MICU3: variants seen among roughly 807,000 people sequenced by gnomAD.
The protein encoded by MICU3 is mitochondrial calcium uptake 3, also known as calcium uptake protein 3, mitochondrial.
In MICU3, 62 loss-of-function variants were observed where a neutral mutation model predicts 66.5. The observed-to-expected ratio is 0.93, with a 90% CI of 0.76 to 1.15. The LOEUF is 1.15. MICU3 is among the 50% of genes most tolerant of loss of function. The pLI is 0.00. For synonymous variants in MICU3, 308 were observed against 240.7 expected (o/e 1.28, Z -2.59); for missense variants, 779 against 664.4 (o/e 1.17, Z -1.90).
chr8:17,121,146 A>G lies in MICU3; in HGVS notation c.*859A>G, dbSNP rs970490115. 2.0e-5 allele frequency: 3 copies of G among 151,892 alleles called. No individual in the cohort carries two copies. The highest frequency in any genetic ancestry group is 4.4e-5 in the Non-Finnish European group (3 of 67,808). 9.4% of individuals were successfully genotyped at this position (151,892 alleles called of 1,614,324 possible). A position where few individuals can be genotyped will look rare whatever the true frequency, so the allele number is the denominator to read the frequency against. On this transcript the variant is annotated 3_prime_UTR_variant, in exon 15 of 15. Coordinates refer to ENST00000318063, the MANE Select transcript of MICU3 (RefSeq NM_181723.3). ...CACGTTAATAACACTAGTAAAAATA[A>G]CGTCTTACACTCTGTAACTTACTGC...
downstream of MICU3, among the ~76,000 whole-genome samples, chr8:17,125,622 C>G (rs934725143): frequency 6.6e-6 from 1 of 152,102 alleles, no homozygotes; most frequent in Non-Finnish European, 1.5e-5. Flanking sequence ...GCCTGCCTGG[C>G]AGTTTAAAGG....
chr8:17,117,708 A>T (rs1483016102), intron 13 of MICU3, among the ~76,000 whole-genome samples: 1 of 150,504 alleles, frequency 6.6e-6, no homozygotes, highest in Non-Finnish European at 1.5e-5. Context: ...TCCCGGGTTC[A>T]AGAGATTCCC....
intron 11 of MICU3, among the ~76,000 whole-genome samples, chr8:17,107,379 G>A (rs1167464755): frequency 6.6e-6 from 1 of 152,132 alleles, no homozygotes; most frequent in African/African-American, 2.4e-5. Flanking sequence ...TGAGGACAGA[G>A]AAGCTTAGTT....
At position 17,087,027 on chromosome 8, in the gene MICU3, G is replaced by T. The variant is rs199936197; in HGVS notation, c.841G>T (p.Ala281Ser). The T allele has an allele frequency of 5.0e-6, 8 of 1,602,646 alleles. No homozygotes were observed. Among genetic ancestry groups the T allele is most frequent in the Non-Finnish European group, 6.0e-6 (7 of 1,170,904 alleles). Residue 281 changes from alanine to serine, a missense_variant, in exon 7 of 15, where the codon GCA (alanine) becomes TCA (serine). Ala to Ser is a moderately conservative substitution (Grantham distance 99, BLOSUM62 1). Coordinates refer to ENST00000318063, the MANE Select transcript of MICU3 (RefSeq NM_181723.3). ...AATTAAAGGAGATGAAGAAAAGCGT[G>T]CAATGCTGGTAAGAATACTTTATAG... ...REIKGDEEKR[A>S]MLRLQLYGYH...
chr8:17,138,290 G>A, the MICU3 span, among the ~76,000 whole-genome samples: 4 of 152,066 alleles, frequency 2.6e-5, no homozygotes, highest in African/African-American at 7.2e-5. Flanking sequence ...ATGTAAAATA[G>A]ATAATAGCAA....
chr8:17,124,012 T>C (rs1010396413), downstream of MICU3, among the ~76,000 whole-genome samples: 1 of 151,814 alleles, frequency 6.6e-6, no homozygotes, highest in Non-Finnish European at 1.5e-5. Flanking sequence ...CTTTCAAATC[T>C]TTTGGCAGTT....
chr8:17,055,388 C>CT (rs1253964826), intron 1 of MICU3, among the ~76,000 whole-genome samples: 1 of 152,088 alleles, frequency 6.6e-6, no homozygotes, highest in Non-Finnish European at 1.5e-5. Flanking sequence ...CTTTTTAGTC[C>CT]TTAATATTCC....
chr8:17,093,387 T>C (rs1243897436), intron 8 of MICU3, among the ~76,000 whole-genome samples: 1 of 152,018 alleles, frequency 6.6e-6, no homozygotes, highest in Non-Finnish European at 1.5e-5. Flanking sequence ...TGAGACTTTT[T>C]TATGGACTAA....
chr8:17,035,462 A>G (rs755134925), intron 1 of MICU3, among the ~76,000 whole-genome samples: 3 of 152,232 alleles, frequency 2.0e-5, no homozygotes, highest in Non-Finnish European at 4.4e-5. Flanking sequence ...AGTGATGTGG[A>G]CAGTAAAGTC....
chr8:17,042,022 G>A (rs1312558109), intron 1 of MICU3, among the ~76,000 whole-genome samples: 1 of 152,166 alleles, frequency 6.6e-6, no homozygotes, highest in East Asian at 1.9e-4. Context: ...TTTTGTAATT[G>A]CAAGGCTCAA....
chr8:17,136,705 G>C, the MICU3 span, among the ~76,000 whole-genome samples: 1 of 152,060 alleles, frequency 6.6e-6, no homozygotes, highest in South Asian at 2.1e-4. Context: ...GTATAGATAG[G>C]AGTTGGGCAG....
At chr8:17,097,003 G>A (rs879764019) in intron 8 of MICU3, among the ~76,000 whole-genome samples, 4 of 145,096 alleles carry the variant, frequency 2.8e-5, no homozygotes, top group Admixed American at 1.4e-4. Context: ...GTGTGATTGT[G>A]GACAGTGTTT....
rs199759760 is a variant in MICU3 at position 17,086,981 on chromosome 8, GA to G, written c.803del (p.Asn268MetfsTer47). On this transcript the variant is annotated frameshift_variant, in exon 7 of 15. Coordinates refer to ENST00000318063, the MANE Select transcript of MICU3 (RefSeq NM_181723.3). LOFTEE classifies it high-confidence loss of function. ...TTTGTCAGCTTCAAGAGATATTCAG[GA>G]AAAAAAATGAAAAGAGAGAAATTAA... ...EFLVLQEIFR[K>X]KNEKREIKGD... 39 of 1,599,684 alleles carry G rather than the reference GA, an allele frequency of 2.4e-5. No individual in the cohort carries two copies. The highest frequency in any genetic ancestry group is 4.4e-5 in the South Asian group (4 of 90,440).
intron 3 of MICU3, among the ~76,000 whole-genome samples, chr8:17,076,355 C>G (rs1820387277): frequency 6.6e-6 from 1 of 152,152 alleles, no homozygotes; most frequent in African/African-American, 2.4e-5. Flanking sequence ...TATTTAATCT[C>G]TCAATCTAAC....
intron 6 of MICU3, 129 bp from the exon 7 acceptor site, chr8:17,086,835 T>C: frequency 1.6e-6 from 1 of 642,630 alleles, no homozygotes; most frequent in Non-Finnish European, 2.8e-6. Context: ...AATAGATCTA[T>C]AGCAGTTTAA....
intron 11 of MICU3, among the ~76,000 whole-genome samples, chr8:17,112,708 A>G (rs1802315261): frequency 6.6e-6 from 1 of 152,158 alleles, no homozygotes; most frequent in Admixed American, 6.5e-5. Context: ...TCTGCCCCCC[A>G]ATATATTGAT....
intron 3 of MICU3, among the ~76,000 whole-genome samples, chr8:17,073,088 G>C (rs1819849661): frequency 6.6e-6 from 1 of 151,186 alleles, no homozygotes; most frequent in Admixed American, 6.6e-5. Flanking sequence ...ACAGGGTTTT[G>C]CTCTGTCACC....
At chr8:17,115,120 A>C (rs868424129) in intron 12 of MICU3, among the ~76,000 whole-genome samples, 1 of 15,202 alleles carries the variant, frequency 6.6e-5, no homozygotes, top group Non-Finnish European at 1.0e-4. Flanking sequence ...CTCCGTCTCA[A>C]AAAAAAAAAA....
In MICU3 at chr8:17,027,359, C is replaced by A. The variant is rs1406760492; in HGVS notation, c.80C>A (p.Pro27Gln). 6.6e-7 allele frequency: 1 copy of A among 1,504,238 alleles called. No homozygotes were observed. Among genetic ancestry groups the A allele is most frequent in the South Asian group, 1.3e-5 (1 of 77,162 alleles). The allele number at this position is 1,504,238 out of a possible 1,614,324, so 93.2% of individuals were successfully genotyped here. ...TGCGCTCACCAGCCCCTCCTTGGGCCGTGGGGGCGGCCTGCGGTGACCACC... is the reference window on the plus strand; with the variant it reads ...TGCGCTCACCAGCCCCTCCTTGGGCAGTGGGGGCGGCCTGCGGTGACCACC... ...PLCAHQPLLGPWGRPAVTTLG... is the reference protein window; with the variant it reads ...PLCAHQPLLGQWGRPAVTTLG... Residue 27 changes from proline to glutamine, a missense_variant, in exon 1 of 15, where the codon CCG becomes CAG. Pro to Gln is a moderately conservative substitution (Grantham distance 76). Transcript: ENST00000318063.
Sources: gnomAD v4.1 joint callset for allele counts (sites outside exome capture counted in the v4.1 genomes callset) on GRCh38, gnomAD v4.1.1 for gene constraint, MANE v1.5 for transcripts, NCBI Gene and HGNC (gene_info 2026-07-23, HGNC 2026-07-21) for gene names.